CAMTA1: variants seen among roughly 807,000 people sequenced by gnomAD.
CAMTA1 encodes the protein calmodulin binding transcription activator 1, also known as calmodulin-binding transcription activator 1.
In CAMTA1, 27 loss-of-function variants were observed where a neutral mutation model predicts 170.9. The ratio of observed to expected loss-of-function variants is 0.16; its 90% CI spans 0.12 to 0.22. The LOEUF (loss-of-function observed/expected upper bound fraction) is 0.22. CAMTA1 is among the 10% of genes least tolerant of loss of function. The pLI is 1.00. For synonymous variants in CAMTA1, 833 were observed against 891.5 expected, an observed-to-expected ratio of 0.93 and a Z score of 1.17; for missense variants, 1,619 against 2,217.2, an observed-to-expected ratio of 0.73 and a Z score of 5.42.
intron 3 of CAMTA1, among the ~76,000 whole-genome samples, chr1:6,884,710 G>A (rs1038667162): frequency 6.6e-6 from 1 of 152,184 alleles, no homozygotes; most frequent in African/African-American, 2.4e-5. Context: ...TGTGAACCCT[G>A]TGTTCTTGGA....
chr1:7,521,697 C>G (rs1363019816), intron 6 of CAMTA1, among the ~76,000 whole-genome samples: 1 of 152,114 alleles, frequency 6.6e-6, no homozygotes, highest in Non-Finnish European at 1.5e-5. Context: ...TATAGGCACA[C>G]GCCACCATGC....
intron 4 of CAMTA1, among the ~76,000 whole-genome samples, chr1:7,221,554 T>C (rs1389898879): frequency 4.6e-5 from 7 of 152,164 alleles, no homozygotes; most frequent in Non-Finnish European, 1.0e-4. Flanking sequence ...TTGATTCTTC[T>C]TTATATGGTA....
intron 5 of CAMTA1, among the ~76,000 whole-genome samples, chr1:7,309,647 C>A (rs555948284): frequency 6.6e-6 from 1 of 152,142 alleles, no homozygotes; most frequent in East Asian, 1.9e-4. Flanking sequence ...CTCTTTCCTG[C>A]CGCCTTTTAT....
chr1:7,578,160 C>A (rs576098020), intron 6 of CAMTA1, among the ~76,000 whole-genome samples: 1 of 152,292 alleles, frequency 6.6e-6, no homozygotes, highest in East Asian at 1.9e-4. Flanking sequence ...TCCCTACACA[C>A]CCCTGTTCAT....
intron 3 of CAMTA1, among the ~76,000 whole-genome samples, chr1:7,027,244 A>T (rs1376063940): frequency 6.6e-6 from 1 of 152,250 alleles, no homozygotes; most frequent in Admixed American, 6.5e-5. Context: ...GGATACACAC[A>T]TCACTCACTA....
At chr1:6,969,824 C>T (rs149684189) in intron 3 of CAMTA1, among the ~76,000 whole-genome samples, 189 of 152,276 alleles carry the variant, frequency 1.2e-3, no homozygotes, top group Non-Finnish European at 2.3e-3. Context: ...ATTATTATTA[C>T]AGGAATTTGC....
chr1:7,148,259 G>A (rs1438333022), intron 4 of CAMTA1, among the ~76,000 whole-genome samples: 4 of 150,788 alleles, frequency 2.7e-5, no homozygotes, highest in Non-Finnish European at 5.9e-5. Flanking sequence ...CATACACCAT[G>A]CACACACACA....
rs116318987 is a variant in CAMTA1 at position 7,344,624 on chromosome 1, C to T, written c.438+94998C>T. On this transcript the variant is annotated intron_variant, in intron 5 of 22. Coordinates refer to ENST00000303635, the MANE Select transcript of CAMTA1 (RefSeq NM_015215.4). Reference sequence around the variant, plus strand: ...TGAGGTCAGACTTCTTAATTGTTGCCAGTTGAGTGAGGATGAAAGGGTGTC... The same window carrying T: ...TGAGGTCAGACTTCTTAATTGTTGCTAGTTGAGTGAGGATGAAAGGGTGTC... Among the ~76,000 whole-genome samples the T allele has an allele frequency of 6.1e-3, 924 of 152,264 alleles. 2 individuals are homozygous for T. Among genetic ancestry groups the T allele is most frequent in the Middle Eastern group, 0.014 (4 of 294 alleles).
chr1:7,539,093 G>A (rs1049017253), intron 6 of CAMTA1, among the ~76,000 whole-genome samples: 3 of 152,190 alleles, frequency 2.0e-5, no homozygotes, highest in Admixed American at 6.5e-5. Flanking sequence ...CAGAGCCCTC[G>A]GGCCTTCCAG....
intron 6 of CAMTA1, among the ~76,000 whole-genome samples, chr1:7,513,934 CACACACACACACAT>C (rs1026056481): frequency 1.3e-5 from 1 of 76,480 alleles, no homozygotes; most frequent in Non-Finnish European, 3.2e-5. Flanking sequence ...AAAACACATA[CACACACACACACAT>C]ACACACACAC....
rs149502787 is a variant in CAMTA1 at position 6,830,400 on chromosome 1, A to G, written c.234+5190A>G. 6.8e-3 allele frequency among the ~76,000 whole-genome samples: 949 copies of G among 139,364 alleles called. 11 individuals are homozygous for G. Among genetic ancestry groups the G allele is most frequent in the African/African-American group, 0.024 (890 of 37,118 alleles). 91.4% of individuals were successfully genotyped at this position (139,364 alleles called of 152,430 possible). A position where few individuals can be genotyped will look rare whatever the true frequency, so the allele number is the denominator to read the frequency against. ...ACTCTGTTACCCAGGCTGGAGTGCA[A>G]TGACGTGATCTCAGCTCACTGCAAC... On this transcript the variant is annotated intron_variant, in intron 3 of 22. Transcript: ENST00000303635.
At chr1:7,262,940 A>C (rs911003463) in intron 5 of CAMTA1, among the ~76,000 whole-genome samples, 3 of 152,224 alleles carry the variant, frequency 2.0e-5, no homozygotes, top group Non-Finnish European at 4.4e-5. Flanking sequence ...GCCTCCTTCC[A>C]GGTGCAGAAC....
At chr1:6,907,951 G>T (rs893256839) in intron 3 of CAMTA1, among the ~76,000 whole-genome samples, 12 of 152,160 alleles carry the variant, frequency 7.9e-5, no homozygotes, top group African/African-American at 2.9e-4. Context: ...TTGCCGTGGT[G>T]GTCTGCCTTC....
At chr1:7,583,339 A>G (rs889762281) in intron 6 of CAMTA1, among the ~76,000 whole-genome samples, 2 of 152,120 alleles carry the variant, frequency 1.3e-5, no homozygotes, top group Non-Finnish European at 2.9e-5. Flanking sequence ...CACGATGGGA[A>G]GTAAGGCAGC....
intron 6 of CAMTA1, among the ~76,000 whole-genome samples, chr1:7,576,900 C>T (rs1241085299): frequency 2.0e-5 from 3 of 152,296 alleles, no homozygotes; most frequent in South Asian, 4.1e-4. Context: ...ATCACAGATA[C>T]AGGGAATTTG....
intron 4 of CAMTA1, among the ~76,000 whole-genome samples, chr1:7,190,634 C>T (rs186489872): frequency 2.8e-4 from 42 of 151,908 alleles, no homozygotes; most frequent in Non-Finnish European, 4.9e-4. Flanking sequence ...CCTTTTTTAA[C>T]AAGAAGTATA....
chr1:7,258,762 G>A (rs370119551), intron 5 of CAMTA1, among the ~76,000 whole-genome samples: 4 of 152,148 alleles, frequency 2.6e-5, no homozygotes, highest in Non-Finnish European at 5.9e-5. Context: ...CGTTGCTGGG[G>A]AAGTTTCCTC....
At chr1:7,119,594 C>A (rs911372310) in intron 4 of CAMTA1, among the ~76,000 whole-genome samples, 5 of 152,140 alleles carry the variant, frequency 3.3e-5, no homozygotes, top group Admixed American at 3.3e-4. Context: ...AGTTACTCTG[C>A]GATCTCTCTT....
chr1:7,477,847 C>A (rs937762887), intron 6 of CAMTA1, among the ~76,000 whole-genome samples: 1 of 152,168 alleles, frequency 6.6e-6, no homozygotes, highest in African/African-American at 2.4e-5. Flanking sequence ...CTGCTCCCGC[C>A]GTGTGGACGA....
Sources: gnomAD v4.1 joint callset for allele counts (sites outside exome capture counted in the v4.1 genomes callset) on GRCh38, gnomAD v4.1.1 for gene constraint, MANE v1.5 for transcripts, NCBI Gene and HGNC (gene_info 2026-07-23, HGNC 2026-07-21) for gene names.